Variants in SAMD5 observed in about 807,000 individuals in gnomAD.
SAMD5 encodes sterile alpha motif domain-containing protein 5.
A neutral mutation model predicts 11.3 loss-of-function variants in SAMD5; 13 were observed. That is an observed-to-expected ratio of 1.15 (90% CI 0.75 to 1.83). The LOEUF is 1.83. Ranked by LOEUF, SAMD5 falls within the 40% of genes most tolerant of loss-of-function variation. The pLI, the probability that SAMD5 is intolerant of heterozygous loss-of-function variation, is 0.00. For missense variants in SAMD5, 255 were observed against 239.1 expected, an observed-to-expected ratio of 1.07 and a Z score of -0.44; for synonymous variants, 129 against 111.3, an observed-to-expected ratio of 1.16 and a Z score of -1.00.
the SAMD5 span, among the ~76,000 whole-genome samples, chr6:147,829,358 T>C: frequency 6.6e-6 from 1 of 152,190 alleles, no homozygotes. Context: ...GTTCTACAGC[T>C]AAGTTAGAGC....
intron 1 of SAMD5, among the ~76,000 whole-genome samples, chr6:147,554,181 C>T (rs1357283480): frequency 6.6e-6 from 1 of 152,160 alleles, no homozygotes; most frequent in African/African-American, 2.4e-5. Flanking sequence ...CCTTCAGATC[C>T]TGCAGGAACT....
intron 1 of SAMD5, among the ~76,000 whole-genome samples, chr6:147,532,663 G>A (rs1788447485): frequency 6.6e-6 from 1 of 152,094 alleles, no homozygotes; most frequent in African/African-American, 2.4e-5. Context: ...TGAGATTACT[G>A]GATCAAATGG....
At chr6:147,785,904 T>C in the SAMD5 span, among the ~76,000 whole-genome samples, 2 of 152,208 alleles carry the variant, frequency 1.3e-5, no homozygotes, top group African/African-American at 4.8e-5. Flanking sequence ...GAGAATCAAA[T>C]ACAACAATCG....
chr6:147,818,113 G>A, the SAMD5 span, among the ~76,000 whole-genome samples: 78 of 152,280 alleles, frequency 5.1e-4, 1 homozygote, highest in East Asian at 0.015. Flanking sequence ...ATTCACATCC[G>A]CACACATGCA....
At chr6:147,878,684 T>G in the SAMD5 span, among the ~76,000 whole-genome samples, 2 of 150,558 alleles carry the variant, frequency 1.3e-5, no homozygotes, top group African/African-American at 4.9e-5. Flanking sequence ...TGTAGATATA[T>G]TATCTAGTGT....
chr6:147,944,477 A>AC, the SAMD5 span, among the ~76,000 whole-genome samples: 1 of 151,938 alleles, frequency 6.6e-6, no homozygotes, highest in African/African-American at 2.4e-5. Context: ...GGAAAGACCC[A>AC]CCCCCGTGAT....
chr6:147,549,191 C>T (rs372033362), intron 1 of SAMD5, among the ~76,000 whole-genome samples: 243 of 152,314 alleles, frequency 1.6e-3, no homozygotes, highest in African/African-American at 5.6e-3. Flanking sequence ...GACTGATAAA[C>T]GCCTGATACT....
the SAMD5 span, among the ~76,000 whole-genome samples, chr6:147,848,972 A>G: frequency 6.6e-6 from 1 of 152,196 alleles, no homozygotes; most frequent in South Asian, 2.1e-4. Flanking sequence ...AGAGACAGAT[A>G]GGAAATACTT....
the SAMD5 span, among the ~76,000 whole-genome samples, chr6:147,794,238 C>T: frequency 6.6e-6 from 1 of 152,068 alleles, no homozygotes; most frequent in African/African-American, 2.4e-5. Flanking sequence ...AACACCTACC[C>T]TCAGGATTGT....
chr6:147,587,371 G>A (rs1307086840), intron 1 of SAMD5, among the ~76,000 whole-genome samples: 1 of 152,054 alleles, frequency 6.6e-6, no homozygotes, highest in East Asian at 1.9e-4. Flanking sequence ...CCCAGTAGCT[G>A]GGATTATAGG....
At chr6:147,926,689 T>C in the SAMD5 span, among the ~76,000 whole-genome samples, 1 of 152,200 alleles carries the variant, frequency 6.6e-6, no homozygotes, top group Admixed American at 6.5e-5. Flanking sequence ...TTAGATCCCA[T>C]TTGCCAATGT....
chr6:147,573,732 AC>A (rs1195055257), downstream of SAMD5, among the ~76,000 whole-genome samples: 2 of 152,216 alleles, frequency 1.3e-5, no homozygotes, highest in Non-Finnish European at 2.9e-5. Flanking sequence ...ACAAGTCCTT[AC>A]TACATATCAG....
chr6:147,777,252 C>T, the SAMD5 span, among the ~76,000 whole-genome samples: 19 of 152,070 alleles, frequency 1.2e-4, no homozygotes, highest in South Asian at 3.9e-3. Context: ...AGATTTGTGC[C>T]GATGACATTG....
chr6:147,847,931 G>T, the SAMD5 span, among the ~76,000 whole-genome samples: 2 of 152,268 alleles, frequency 1.3e-5, no homozygotes, highest in Non-Finnish European at 2.9e-5. Context: ...TTTGACCACT[G>T]GCAGGATATG....
chr6:147,709,761 G>A (rs1791371439), intron 1 of SAMD5, among the ~76,000 whole-genome samples: 1 of 152,200 alleles, frequency 6.6e-6, no homozygotes, highest in East Asian at 1.9e-4. Flanking sequence ...TCCTGAGGCT[G>A]TTCTCAGTTC....
chr6:147,588,032 T>C (rs844563), intron 1 of SAMD5, among the ~76,000 whole-genome samples: 108,062 of 151,976 alleles, frequency 0.71, 38,692 homozygotes, highest in South Asian at 0.77. Flanking sequence ...TAGATTTCTT[T>C]GAAGGAGATA....
chr6:147,586,347 G>C (rs1205878934), intron 1 of SAMD5, among the ~76,000 whole-genome samples: 1 of 152,082 alleles, frequency 6.6e-6, no homozygotes, highest in Admixed American at 6.5e-5. Context: ...TAAGAGACTG[G>C]GGAGAAACCC....
At chr6:147,774,636 A>T in the SAMD5 span, among the ~76,000 whole-genome samples, 2 of 152,120 alleles carry the variant, frequency 1.3e-5, no homozygotes, top group Non-Finnish European at 2.9e-5. Flanking sequence ...CAATATTTTC[A>T]ATCTACAGTT....
At chr6:147,682,629 T>C (rs1790955702) in intron 1 of SAMD5, among the ~76,000 whole-genome samples, 1 of 152,232 alleles carries the variant, frequency 6.6e-6, no homozygotes, top group African/African-American at 2.4e-5. Flanking sequence ...AATGTACATG[T>C]ATTTTAAAAA....
Sources: gnomAD v4.1 joint callset for allele counts (sites outside exome capture counted in the v4.1 genomes callset) on GRCh38, gnomAD v4.1.1 for gene constraint, MANE v1.5 for transcripts, NCBI Gene and HGNC (gene_info 2026-07-23, HGNC 2026-07-21) for gene names.